The following CPLX2 variants were observed in gnomAD, a reference collection of about 807,000 sequenced individuals.
CPLX2 encodes complexin 2, also known as complexin-2.
CPLX2 carries 5 observed loss-of-function variants against 16.3 expected under a neutral mutation model. The observed-to-expected ratio is 0.31, with a 90% CI of 0.16 to 0.64. The LOEUF (loss-of-function observed/expected upper bound fraction) is 0.64, where lower values mean the gene tolerates loss of function less well. CPLX2 is among the 30% of genes least tolerant of loss of function. The pLI, the probability that CPLX2 is intolerant of heterozygous loss-of-function variation, is 0.79. For missense variants in CPLX2, 144 were observed against 181.4 expected, an observed-to-expected ratio of 0.79 and a Z score of 1.18; for synonymous variants, 89 against 73.2, an observed-to-expected ratio of 1.22 and a Z score of -1.10.
chr5:175,807,993 C>T (rs1758242322), intron 1 of CPLX2, among the ~76,000 whole-genome samples: 1 of 152,240 alleles, frequency 6.6e-6, no homozygotes, highest in South Asian at 2.1e-4. Flanking sequence ...CCTGGAGCCA[C>T]TGAGAGCAGG....
chr5:175,825,345 G>A (rs973349838), intron 2 of CPLX2, among the ~76,000 whole-genome samples: 20 of 151,142 alleles, frequency 1.3e-4, no homozygotes, highest in African/African-American at 2.4e-4. Flanking sequence ...AGCCAAGATC[G>A]CACCACTGCA....
rs865790913 is a variant in CPLX2 at position 175,845,660 on chromosome 5, C to T, written c.-88-32992C>T. Reference sequence around the variant, plus strand: ...TACTGGACTGTGAGTCTCTTAAGGGCGGGGACTCATTGGTGCTGGTTCCAC... The same window carrying T: ...TACTGGACTGTGAGTCTCTTAAGGGTGGGGACTCATTGGTGCTGGTTCCAC... On this transcript the variant is annotated intron_variant, in intron 2 of 4. Coordinates refer to the CPLX2 transcript ENST00000359546. The surrounding 1 kb of genome is among the most constrained non-coding windows in gnomAD (Gnocchi z 4.0). Among the ~76,000 whole-genome samples the T allele has an allele frequency of 6.6e-6, 1 of 152,174 alleles. No individual in the cohort carries two copies. Among genetic ancestry groups the T allele is most frequent in the African/African-American group, 2.4e-5 (1 of 41,426 alleles).
chr5:175,842,606 G>C (rs746250985), intron 2 of CPLX2, among the ~76,000 whole-genome samples: 1 of 152,214 alleles, frequency 6.6e-6, no homozygotes, highest in East Asian at 1.9e-4. Context: ...GTGGAAGGAC[G>C]GCCATGGGGC....
rs190838990 is a variant in CPLX2 at position 175,876,291 on chromosome 5, A to C, written c.-88-2361A>C. ...ATACTTGCTGGATGAGTGAATATAG[A>C]GGTCTAGGTGTCATCAGTGTCAGTG... On this transcript the variant is annotated intron_variant, in intron 1 of 3. Transcript: ENST00000393745. Among the ~76,000 whole-genome samples the C allele has an allele frequency of 4.6e-3, 698 of 152,282 alleles. 6 individuals are homozygous for C. Among genetic ancestry groups the C allele is most frequent in the African/African-American group, 0.016 (658 of 41,552 alleles).
Position 175,880,086 on chromosome 5 carries a change from CT to C in CPLX2, c.*46del, listed in dbSNP as rs143663455. 615 of 1,566,748 alleles carry C rather than the reference CT, an allele frequency of 3.9e-4. 3 individuals carry two copies. The African/African-American group carries it at 7.4e-3, about 19-fold the overall frequency. The stretch of plus-strand genomic sequence containing the variant: ...CAGCCTACTCCACCTGTTACTACTT[CT>C]TTTTGGTTCTTTCTTTTCTTTTTAT... On this transcript the variant is annotated 3_prime_UTR_variant, in exon 4 of 4. Coordinates refer to ENST00000393745, the MANE Select transcript of CPLX2 (RefSeq NM_001008220.2).
At chr5:175,854,068 A>G (rs1054570822) in intron 2 of CPLX2, among the ~76,000 whole-genome samples, 5 of 152,158 alleles carry the variant, frequency 3.3e-5, no homozygotes, top group African/African-American at 4.8e-5. Flanking sequence ...ACACAGCCAG[A>G]AAGTGCTGGG....
In CPLX2 at chr5:175,878,743, G is replaced by A. The variant is rs1755477217; in HGVS notation, c.4G>A (p.Asp2Asn). Residue 2 changes from aspartate (D) to asparagine (N), a missense_variant, in exon 2 of 4, where the codon GAC becomes AAC. Transcript: ENST00000393745. M[D>N]FVMKQALGGA... ...CACGCTAACCAGAGCCGGCGGCATGGACTTCGTCATGAAGCAGGCCCTTGG... is the reference window on the plus strand; with the variant it reads ...CACGCTAACCAGAGCCGGCGGCATGAACTTCGTCATGAAGCAGGCCCTTGG... 1 of 1,613,488 alleles carries A rather than the reference G, an allele frequency of 6.2e-7. No homozygotes were observed. Among genetic ancestry groups the A allele is most frequent in the African/African-American group, 1.3e-5 (1 of 75,072 alleles).
intron 2 of CPLX2, among the ~76,000 whole-genome samples, chr5:175,865,791 T>C (rs1759465055): frequency 6.6e-6 from 1 of 152,196 alleles, no homozygotes; most frequent in Non-Finnish European, 1.5e-5. Context: ...GGGCAAAAGA[T>C]GCAAATTCCT....
chr5:175,831,694 A>C (rs1204303329), intron 2 of CPLX2, among the ~76,000 whole-genome samples: 1 of 152,212 alleles, frequency 6.6e-6, no homozygotes, highest in Non-Finnish European at 1.5e-5. Flanking sequence ...CCCTGCCCTC[A>C]AGATACCCAC....
chr5:175,803,667 A>G (rs2382118), intron 1 of CPLX2, among the ~76,000 whole-genome samples: 150,932 of 152,350 alleles, frequency 0.99, 74,768 homozygotes, highest in South Asian at 1. Flanking sequence ...TTGAAGGCTG[A>G]GGGAGTCTCT....
intron 2 of CPLX2, among the ~76,000 whole-genome samples, chr5:175,856,609 C>T (rs1329009365): frequency 2.6e-5 from 4 of 152,136 alleles, no homozygotes; most frequent in Non-Finnish European, 5.9e-5. Context: ...TACAGGATGC[C>T]GTGTGGGCTG....
chr5:175,871,408 GAGGA>G (rs1395344153), upstream of CPLX2: 9 of 78,584 alleles, frequency 1.1e-4, no homozygotes, highest in East Asian at 5.4e-4. Context: ...GAAAGAGAGA[GAGGA>G]GAGAGAGAGA....
At chr5:175,864,584 G>T (rs142997564) in intron 2 of CPLX2, among the ~76,000 whole-genome samples, 1 of 152,196 alleles carries the variant, frequency 6.6e-6, no homozygotes, top group Non-Finnish European at 1.5e-5. Context: ...GAACTGGTCC[G>T]TGTGTTAGCT....
intron 1 of CPLX2, among the ~76,000 whole-genome samples, chr5:175,874,519 A>C (rs554444462): frequency 6.6e-6 from 1 of 152,294 alleles, no homozygotes; most frequent in Non-Finnish European, 1.5e-5. Context: ...AGTATGAGCA[A>C]CTGAGTGAAT....
intron 1 of CPLX2, among the ~76,000 whole-genome samples, chr5:175,873,898 G>A (rs1056108285): frequency 3.3e-5 from 5 of 152,236 alleles, no homozygotes; most frequent in African/African-American, 4.8e-5. Context: ...TGGCAGAGAT[G>A]AGGGTAAGAG....
intron 1 of CPLX2, among the ~76,000 whole-genome samples, chr5:175,798,476 G>C (rs1027057973): frequency 1.4e-4 from 21 of 152,176 alleles, no homozygotes; most frequent in Non-Finnish European, 2.9e-4. Context: ...AGGCAACTGG[G>C]CTGTGGGATC....
In CPLX2 at chr5:175,845,488, G is replaced by C. The variant is rs1759024976; in HGVS notation, c.-88-33164G>C. ...CTCTCCTTGGCAGATTATCCCATCA[G>C]GCAAAGGTCACTCCCCCTCATGAGG... On this transcript the variant is annotated intron_variant, in intron 2 of 4. Transcript: ENST00000359546. The surrounding 1 kb of genome is among the most constrained non-coding windows in gnomAD (Gnocchi z 4.0). 6.6e-6 allele frequency among the ~76,000 whole-genome samples: 1 copy of C among 152,170 alleles called. No individual in the cohort carries two copies. The highest frequency in any genetic ancestry group is 1.5e-5 in the Non-Finnish European group (1 of 68,032).
intron 2 of CPLX2, among the ~76,000 whole-genome samples, chr5:175,855,243 C>T (rs1195393017): frequency 6.6e-6 from 1 of 152,128 alleles, no homozygotes; most frequent in Non-Finnish European, 1.5e-5. Flanking sequence ...AGTCCAGAGT[C>T]GAAATGTGTG....
At chr5:175,879,734 C>G in intron 3 of CPLX2, 114 bp from the exon 4 acceptor site, 1 of 949,592 alleles carries the variant, frequency 1.1e-6, no homozygotes, top group Non-Finnish European at 1.7e-6. Flanking sequence ...AATGACAGGA[C>G]TGAGGCTTGG....
Sources: gnomAD v4.1 joint callset for allele counts (sites outside exome capture counted in the v4.1 genomes callset) on GRCh38, gnomAD v4.1.1 for gene constraint, Gnocchi (gnomAD v3.1) non-coding constraint, MANE v1.5 for transcripts, NCBI Gene and HGNC (gene_info 2026-07-23, HGNC 2026-07-21) for gene names.